Variants in LSAMP observed in about 807,000 individuals in gnomAD.
LSAMP encodes the protein limbic system associated membrane protein.
A neutral mutation model predicts 38.6 loss-of-function variants in LSAMP; 7 were observed. The observed-to-expected ratio is 0.18, with a 90% CI of 0.10 to 0.34. The LOEUF is 0.34. Ranked by LOEUF, LSAMP falls within the 10% of genes least tolerant of loss-of-function variation. The pLI, the probability that LSAMP is intolerant of heterozygous loss-of-function variation, is 1.00. For synonymous variants in LSAMP, 154 were observed against 166.8 expected, an observed-to-expected ratio of 0.92 and a Z score of 0.59; for missense variants, 313 against 420.0, an observed-to-expected ratio of 0.75 and a Z score of 2.23.
At chr3:116,365,680 G>A (rs2048340941) in intron 1 of LSAMP, among the ~76,000 whole-genome samples, 1 of 73,696 alleles carries the variant, frequency 1.4e-5, no homozygotes, top group Non-Finnish European at 2.3e-5. Context: ...ATACTATGCA[G>A]CCATAAAAAA....
intron 1 of LSAMP, among the ~76,000 whole-genome samples, chr3:116,315,122 C>T (rs1359450781): frequency 1.3e-5 from 2 of 152,180 alleles, no homozygotes; most frequent in Non-Finnish European, 2.9e-5. Context: ...CACTTCCAGG[C>T]TTTGTAGCCT....
chr3:116,115,795 A>C (rs537865348), intron 1 of LSAMP, among the ~76,000 whole-genome samples: 46 of 151,458 alleles, frequency 3.0e-4, no homozygotes, highest in Non-Finnish European at 4.9e-4. Context: ...GAGAAGTCCA[A>C]AATGATTTCT....
At chr3:116,388,972 C>T (rs890305137) in intron 1 of LSAMP, among the ~76,000 whole-genome samples, 3 of 152,074 alleles carry the variant, frequency 2.0e-5, no homozygotes, top group Non-Finnish European at 4.4e-5. Context: ...GAGGCCAGGC[C>T]AGAGAAAGAG....
chr3:116,006,281 G>A (rs568424811), intron 3 of LSAMP, among the ~76,000 whole-genome samples: 1 of 152,244 alleles, frequency 6.6e-6, no homozygotes, highest in Admixed American at 6.5e-5. Context: ...ACACGCAGAA[G>A]TCATGGGAGG....
chr3:116,415,738 T>C (rs1559860398), intron 1 of LSAMP, among the ~76,000 whole-genome samples: 1 of 152,124 alleles, frequency 6.6e-6, no homozygotes, highest in South Asian at 2.1e-4. Flanking sequence ...TTACCCTTCA[T>C]GCTGGATTGT....
intron 1 of LSAMP, among the ~76,000 whole-genome samples, chr3:116,185,850 A>G (rs1170971306): frequency 6.6e-6 from 1 of 151,750 alleles, no homozygotes; most frequent in African/African-American, 2.4e-5. Flanking sequence ...TTACTGCTGA[A>G]AATGGAGGAG....
chr3:116,420,906 A>T (rs2049113722), intron 1 of LSAMP, among the ~76,000 whole-genome samples: 1 of 152,178 alleles, frequency 6.6e-6, no homozygotes, highest in South Asian at 2.1e-4. Flanking sequence ...TAAATTGGCA[A>T]AGATGCCAAA....
chr3:116,042,228 G>A (rs1383616585), intron 2 of LSAMP, among the ~76,000 whole-genome samples: 1 of 152,116 alleles, frequency 6.6e-6, no homozygotes, highest in Non-Finnish European at 1.5e-5. Context: ...CATTCACTGA[G>A]CACTTACTAA....
intron 1 of LSAMP, among the ~76,000 whole-genome samples, chr3:116,313,280 T>A (rs566844372): frequency 5.9e-5 from 9 of 152,196 alleles, no homozygotes; most frequent in Non-Finnish European, 1.0e-4. Context: ...CTTCTGCTGA[T>A]GAAACTTTGC....
At chr3:116,040,283 T>C (rs575889580) in intron 2 of LSAMP, among the ~76,000 whole-genome samples, 1 of 152,178 alleles carries the variant, frequency 6.6e-6, no homozygotes, top group African/African-American at 2.4e-5. Flanking sequence ...GAGACACAGG[T>C]CAAGGGAGAA....
At chr3:116,297,522 T>A (rs948727447) in intron 1 of LSAMP, among the ~76,000 whole-genome samples, 1 of 152,210 alleles carries the variant, frequency 6.6e-6, no homozygotes, top group Non-Finnish European at 1.5e-5. Context: ...CAGGTGATAA[T>A]ATATGATACC....
At chr3:116,176,460 C>T (rs1026069662) in intron 1 of LSAMP, among the ~76,000 whole-genome samples, 6 of 152,196 alleles carry the variant, frequency 3.9e-5, no homozygotes, top group South Asian at 2.1e-4. Flanking sequence ...CTGCCTCAAC[C>T]GCTGCCATGA....
chr3:116,117,598 T>A (rs1183409493), intron 1 of LSAMP, among the ~76,000 whole-genome samples: 1 of 152,224 alleles, frequency 6.6e-6, no homozygotes, highest in Non-Finnish European at 1.5e-5. Context: ...TTATTCTGTC[T>A]TTTTAGGCTT....
At chr3:116,279,975 C>T (rs879630871) in intron 1 of LSAMP, among the ~76,000 whole-genome samples, 5 of 151,820 alleles carry the variant, frequency 3.3e-5, no homozygotes, top group Non-Finnish European at 4.4e-5. Flanking sequence ...TTAAAAAATC[C>T]GAGTTGGGCC....
intron 1 of LSAMP, among the ~76,000 whole-genome samples, chr3:116,304,157 G>A (rs546464098): frequency 6.6e-6 from 1 of 152,278 alleles, no homozygotes; most frequent in South Asian, 2.1e-4. Flanking sequence ...GCCACATGTT[G>A]AGGACCAATA....
Position 116,073,721 on chromosome 3 carries a change from T to G in LSAMP, c.388+12603A>C, listed in dbSNP as rs185601520. ...TAATCAGCTTAAGAAGCTTTTGGACTGAGACCATGCTACTACTTCATTTAA... is the reference window on the plus strand; with the variant it reads ...TAATCAGCTTAAGAAGCTTTTGGACGGAGACCATGCTACTACTTCATTTAA... On this transcript the variant is annotated intron_variant, in intron 2 of 6. Transcript: ENST00000490035. Among the ~76,000 whole-genome samples, 42 of 152,346 alleles carry G rather than the reference T, an allele frequency of 2.8e-4. 1 individual carries two copies. In the East Asian group the frequency reaches 7.1e-3, roughly 26 times the overall value.
At chr3:116,416,131 G>A (rs1007747923) in intron 1 of LSAMP, among the ~76,000 whole-genome samples, 1 of 152,154 alleles carries the variant, frequency 6.6e-6, no homozygotes, top group African/African-American at 2.4e-5. Context: ...TATGGGAAAT[G>A]GTTCCGGGCC....
At chr3:116,359,964 A>G (rs1328656116) in intron 1 of LSAMP, 1 of 152,448 alleles carries the variant, frequency 6.6e-6, no homozygotes, top group Non-Finnish European at 1.5e-5. Context: ...CAACAAAAGC[A>G]AAAATTGACA....
chr3:115,906,840 C>T (rs1191944046), intron 3 of LSAMP, among the ~76,000 whole-genome samples: 3 of 152,072 alleles, frequency 2.0e-5, no homozygotes, highest in Non-Finnish European at 4.4e-5. Flanking sequence ...ACATATTAAA[C>T]TGAATTAGAG....
Sources: allele counts gnomAD v4.1 joint callset (sites outside exome capture counted in the v4.1 genomes callset), GRCh38; gene constraint gnomAD v4.1.1; transcripts MANE v1.5; gene names NCBI Gene and HGNC (gene_info 2026-07-23, HGNC 2026-07-21).